DIP2C: variants seen among roughly 807,000 people sequenced by gnomAD.
DIP2C encodes the protein disco-interacting protein 2 homolog C.
Under a neutral mutation model 192.4 loss-of-function variants are expected in DIP2C, and 33 were observed. The ratio of observed to expected loss-of-function variants is 0.17; its 90% confidence interval spans 0.13 to 0.23. DIP2C has a LOEUF of 0.23. Ranked by LOEUF, DIP2C falls within the 10% of genes least tolerant of loss-of-function variation. The pLI is 1.00. For synonymous variants in DIP2C, 979 were observed against 864.1 expected, an observed-to-expected ratio of 1.13 and a Z score of -2.33; for missense variants, 1,537 against 2,110.1, an observed-to-expected ratio of 0.73 and a Z score of 5.32.
intron 22 of DIP2C, among the ~76,000 whole-genome samples, chr10:358,217 C>T (rs1452106890): frequency 2.0e-5 from 3 of 151,940 alleles, no homozygotes; most frequent in Non-Finnish European, 4.4e-5. Flanking sequence ...GTGAGAGCCC[C>T]GTGTGCCGGC....
At chr10:291,312 G>A (rs1955487861) in intron 32 of DIP2C, among the ~76,000 whole-genome samples, 1 of 152,216 alleles carries the variant, frequency 6.6e-6, no homozygotes, top group Non-Finnish European at 1.5e-5. Flanking sequence ...TTCCCTCTCT[G>A]GTTCATGTGA....
At chr10:336,381 C>G (rs947662097) in intron 29 of DIP2C, among the ~76,000 whole-genome samples, 2 of 152,174 alleles carry the variant, frequency 1.3e-5, no homozygotes, top group African/African-American at 4.8e-5. Flanking sequence ...CTGGTCTAAA[C>G]AAACCTGTGC....
At position 486,474 on chromosome 10, in the gene DIP2C, G is replaced by A. The variant is rs1025273065; in HGVS notation, c.142C>T (p.Leu48Phe). The change falls in exon 2 of 37, where the codon CTT (leucine) becomes TTT (phenylalanine). Residue 48 changes from leucine (L) to phenylalanine (F), a missense_variant. Transcript: ENST00000280886. ...KKRSKLIGAY[L>F]PQPPRVDQAL... ...GGTTACCTACTCGGAGGCTGCGGAAGGTAGGCTCCAATTAACTTTGACCTC... is the reference window on the plus strand; with the variant it reads ...GGTTACCTACTCGGAGGCTGCGGAAAGTAGGCTCCAATTAACTTTGACCTC... 4.4e-6 allele frequency: 7 copies of A among 1,602,370 alleles called. No homozygotes were observed. The Admixed American group carries it at 1.0e-4, about 24-fold the overall frequency.
intron 2 of DIP2C, among the ~76,000 whole-genome samples, chr10:485,492 A>G (rs1692671259): frequency 6.6e-6 from 1 of 152,214 alleles, no homozygotes; most frequent in Non-Finnish European, 1.5e-5. Context: ...TCACTGTTAC[A>G]TCACTGTCTC....
intron 3 of DIP2C, among the ~76,000 whole-genome samples, chr10:447,920 TGTC>T: frequency 1.8e-5 from 1 of 56,110 alleles, no homozygotes; most frequent in East Asian, 5.8e-4. Context: ...CACTCATCCC[TGTC>T]TATACTCAGG....
At chr10:560,559 G>A (rs1262632044) in intron 1 of DIP2C, among the ~76,000 whole-genome samples, 1 of 152,090 alleles carries the variant, frequency 6.6e-6, no homozygotes, top group Non-Finnish European at 1.5e-5. Context: ...TTCTCAGGCT[G>A]GTTTCAAAGT....
At chr10:324,775 G>A (rs1442939558) in intron 31 of DIP2C, 7 of 376,992 alleles carry the variant, frequency 1.9e-5, no homozygotes, top group African/African-American at 8.4e-5. Context: ...TATCCACCAC[G>A]TGTCAGGCCC....
chr10:659,621 T>C (rs1856631703), intron 1 of DIP2C, among the ~76,000 whole-genome samples: 1 of 152,222 alleles, frequency 6.6e-6, no homozygotes, highest in African/African-American at 2.4e-5. Flanking sequence ...AAAGGTATTC[T>C]CAAACTTGAA....
chr10:661,188 G>T (rs1028312597), intron 1 of DIP2C, among the ~76,000 whole-genome samples: 3 of 152,164 alleles, frequency 2.0e-5, no homozygotes, highest in African/African-American at 7.2e-5. Context: ...GGACCGCACC[G>T]AGTGGATGAC....
At chr10:348,962 C>T (rs994168101) in intron 25 of DIP2C, among the ~76,000 whole-genome samples, 200 bp from the exon 26 acceptor site, 3 of 152,282 alleles carry the variant, frequency 2.0e-5, no homozygotes, top group East Asian at 1.9e-4. Context: ...CATGAGGTGA[C>T]GAGGCAGCCT....
chr10:385,394 G>A (rs1385681064), intron 14 of DIP2C, among the ~76,000 whole-genome samples: 1 of 151,922 alleles, frequency 6.6e-6, no homozygotes, highest in South Asian at 2.1e-4. Flanking sequence ...ACAGAATTAA[G>A]TAATTTAAGT....
rs1273418271 is a variant in DIP2C, at chr10:685,131, T to A, written c.85+4363A>T. On this transcript the variant is annotated intron_variant, in intron 1 of 36. Transcript: ENST00000280886. ...CCTGGGCAACAAGAGTGAAACTTGG[T>A]CCCCAAAAAAAAAAAAAAAAAAAAA... Among the ~76,000 whole-genome samples the A allele has an allele frequency of 6.3e-3, 246 of 38,878 alleles. 2 individuals are homozygous for A. Among genetic ancestry groups the A allele is most frequent in the African/African-American group, 0.023 (236 of 10,322 alleles). The allele number at this position is 38,878 out of a possible 152,430, so 25.5% of individuals were successfully genotyped here.
chr10:460,887 T>C (rs1440129010), intron 3 of DIP2C, among the ~76,000 whole-genome samples: 1 of 151,766 alleles, frequency 6.6e-6, no homozygotes, highest in African/African-American at 2.4e-5. Flanking sequence ...CAGAAGAGAG[T>C]GGGGGCCAAT....
intron 24 of DIP2C, 46 bp downstream of exon 24, chr10:356,380 G>C: frequency 6.2e-7 from 1 of 1,600,734 alleles, no homozygotes; most frequent in Non-Finnish European, 8.5e-7. Context: ...AACCAGGCTA[G>C]GCCCCTTGAG....
At chr10:412,402 T>C (rs1428939863) in intron 8 of DIP2C, among the ~76,000 whole-genome samples, 1 of 152,208 alleles carries the variant, frequency 6.6e-6, no homozygotes, top group African/African-American at 2.4e-5. Context: ...AAGTACACAA[T>C]TAGCTCCAGG....
chr10:548,257 G>C (rs1848404392), intron 1 of DIP2C, among the ~76,000 whole-genome samples: 1 of 120,746 alleles, frequency 8.3e-6, no homozygotes, highest in Non-Finnish European at 1.6e-5. Flanking sequence ...AGGGCCCCCA[G>C]GTGGGTAAGG....
intron 32 of DIP2C, among the ~76,000 whole-genome samples, chr10:289,270 T>C (rs1955346961): frequency 1.1e-4 from 2 of 17,508 alleles, no homozygotes; most frequent in Non-Finnish European, 1.8e-4. Context: ...CCCCCAGTGA[T>C]GTTTTTTTTT....
intron 1 of DIP2C, among the ~76,000 whole-genome samples, chr10:675,658 G>A (rs1380120726): frequency 7.2e-5 from 11 of 152,144 alleles, no homozygotes; most frequent in Admixed American, 7.2e-4. Flanking sequence ...TGTCAACAGA[G>A]TGGAAAACCT....
At position 636,371 on chromosome 10, in the gene DIP2C, G is replaced by A. The variant is rs150961575; in HGVS notation, c.85+53123C>T. Among the ~76,000 whole-genome samples the A allele has an allele frequency of 6.6e-6, 1 of 152,262 alleles. No homozygotes were observed. The highest frequency in any genetic ancestry group is 2.4e-5 in the African/African-American group (1 of 41,548). On this transcript the variant is annotated intron_variant, in intron 1 of 36. Coordinates refer to ENST00000280886, the MANE Select transcript of DIP2C (RefSeq NM_014974.3). The surrounding 1 kb of genome is among the most constrained non-coding windows in gnomAD (Gnocchi z 4.6). ...CAATGAGTGGCCAAGTTTTCTCCAC[G>A]TGGAGTTCCGACAACTAACATTTCG...
Sources: gnomAD v4.1 joint callset for allele counts (sites outside exome capture counted in the v4.1 genomes callset) on GRCh38, gnomAD v4.1.1 for gene constraint, Gnocchi (gnomAD v3.1) non-coding constraint, MANE v1.5 for transcripts, NCBI Gene and HGNC (gene_info 2026-07-23, HGNC 2026-07-21) for gene names.